The following EXOC5 variants were observed in gnomAD, a reference collection of about 807,000 sequenced individuals.
EXOC5 encodes the protein exocyst complex component 5, also known as SEC10-like 1.
In EXOC5, 17 loss-of-function variants were observed where a neutral mutation model predicts 90.8. That is an observed-to-expected ratio of 0.19 (90% CI 0.13 to 0.28). The LOEUF (loss-of-function observed/expected upper bound fraction) is 0.28, where lower values mean the gene tolerates loss of function less well. Ranked by LOEUF, EXOC5 falls within the 10% of genes least tolerant of loss-of-function variation. The probability of loss-of-function intolerance (pLI) is 1.00; values close to 1 mark genes in which losing one functional copy is unlikely to be tolerated. For missense variants in EXOC5, 569 were observed against 830.6 expected, an observed-to-expected ratio of 0.69 and a Z score of 3.87; for synonymous variants, 260 against 270.0, an observed-to-expected ratio of 0.96 and a Z score of 0.36.
intron 1 of EXOC5, among the ~76,000 whole-genome samples, chr14:57,261,613 G>T (rs1022787316): frequency 6.6e-6 from 1 of 152,184 alleles, no homozygotes; most frequent in Non-Finnish European, 1.5e-5. Context: ...ATAGTTAGTG[G>T]CCTAAAATAA....
chr14:57,268,616 G>GC lies in EXOC5; in HGVS notation c.27+5dup, dbSNP rs1261939216. Reference sequence around the variant, plus strand: ...TGCCACTCCCTGTAGAGCCGCCGGGGCCCACCTCGAAGAGCTCGGCCGTGG... The same window carrying GC: ...TGCCACTCCCTGTAGAGCCGCCGGGGCCCCACCTCGAAGAGCTCGGCCGTGG... On this transcript the variant is annotated splice_donor_region_variant and intron_variant, in intron 1 of 17. Coordinates refer to ENST00000621441, the MANE Select transcript of EXOC5 (RefSeq NM_006544.4). 1.9e-6 allele frequency: 3 copies of GC among 1,589,784 alleles called. No individual in the cohort carries two copies. The highest frequency in any genetic ancestry group is 2.6e-6 in the Non-Finnish European group (3 of 1,173,498).
At chr14:57,264,346 T>C (rs1884606447) in intron 1 of EXOC5, among the ~76,000 whole-genome samples, 1 of 152,234 alleles carries the variant, frequency 6.6e-6, no homozygotes, top group African/African-American at 2.4e-5. Context: ...TCTGTTTAAC[T>C]AGCTTTTGTA....
chr14:57,255,703 G>A (rs1159267941), intron 1 of EXOC5, among the ~76,000 whole-genome samples: 2 of 152,074 alleles, frequency 1.3e-5, no homozygotes, highest in Non-Finnish European at 2.9e-5. Context: ...TTGGTGGTGG[G>A]CACCTGTAGT....
In EXOC5 at chr14:57,245,878, T is replaced by C. The variant is rs1376080019; in HGVS notation, c.270+833A>G. 2.0e-5 allele frequency among the ~76,000 whole-genome samples: 3 copies of C among 151,714 alleles called. No individual in the cohort carries two copies. The South Asian group carries it at 6.3e-4, about 32-fold the overall frequency. On this transcript the variant is annotated intron_variant, in intron 3 of 17. Transcript: ENST00000621441. ...GACAAACCTGGCCAACATAGCAAAA[T>C]CTCTACTAAAAATACAAAAAAATTA...
chr14:57,215,917 T>C (rs1003138027), intron 15 of EXOC5, among the ~76,000 whole-genome samples: 1 of 152,082 alleles, frequency 6.6e-6, no homozygotes, highest in Non-Finnish European at 1.5e-5. Flanking sequence ...TGATCTTAGA[T>C]AGAGAAAACT....
intron 12 of EXOC5, among the ~76,000 whole-genome samples, chr14:57,223,000 G>A (rs951641234): frequency 2.0e-5 from 3 of 151,800 alleles, no homozygotes; most frequent in African/African-American, 7.3e-5. Context: ...TCAAATAATG[G>A]TTTTACCATT....
At chr14:57,230,026 T>C (rs1883433816) in intron 11 of EXOC5, 145 bp from the exon 12 acceptor site, 1 of 427,382 alleles carries the variant, frequency 2.3e-6, no homozygotes, top group Non-Finnish European at 4.1e-6. Flanking sequence ...ACTAGTTTTG[T>C]GAAATAAAGT....
intron 13 of EXOC5, 111 bp downstream of exon 13, chr14:57,222,197 C>T (rs1335532579): frequency 1.1e-5 from 6 of 555,162 alleles, no homozygotes; most frequent in Admixed American, 3.6e-5. Context: ...TTCATTGCAC[C>T]GAACTGAATT....
At position 57,207,804 on chromosome 14, in the gene EXOC5, GAATA is replaced by G. The variant is rs1882703875; in HGVS notation, c.*801_*804del. ...ACTTCCCTTATAATATTAAAATAAT[GAATA>G]AATATGGTCCTTTAGTTAAGGTCCT... On this transcript the variant is annotated 3_prime_UTR_variant, in exon 18 of 18. Transcript: ENST00000621441. 6.6e-6 allele frequency: 1 copy of G among 151,748 alleles called. No individual in the cohort carries two copies. The highest frequency in any genetic ancestry group is 1.5e-5 in the Non-Finnish European group (1 of 67,942). The allele number at this position is 151,748 out of a possible 1,614,324, so 9.4% of individuals were successfully genotyped here. A position where few individuals can be genotyped will look rare whatever the true frequency, so the allele number is the denominator to read the frequency against.
chr14:57,230,940 T>C (rs1047393341), intron 11 of EXOC5, among the ~76,000 whole-genome samples: 2 of 151,994 alleles, frequency 1.3e-5, no homozygotes, highest in African/African-American at 4.8e-5. Flanking sequence ...ACTATGGAAC[T>C]TTTTATATTA....
chr14:57,262,978 T>C (rs752238690), intron 1 of EXOC5, among the ~76,000 whole-genome samples: 3 of 152,084 alleles, frequency 2.0e-5, no homozygotes, highest in Non-Finnish European at 4.4e-5. Flanking sequence ...GATTAATCAG[T>C]CAACAGATAA....
rs1431416275 is a variant in EXOC5, at chr14:57,204,399, C to A, written c.*4210G>T. On this transcript the variant is annotated 3_prime_UTR_variant, in exon 18 of 18. Transcript: ENST00000621441. ...GACAGCTTTTAAAACCCTTAACATGCAATTCTGATTACATGAAAATGACTA... is the reference window on the plus strand; with the variant it reads ...GACAGCTTTTAAAACCCTTAACATGAAATTCTGATTACATGAAAATGACTA... 1 of 152,004 alleles carries A rather than the reference C, an allele frequency of 6.6e-6. No individual in the cohort carries two copies. Among genetic ancestry groups the A allele is most frequent in the Admixed American group, 6.6e-5 (1 of 15,246 alleles). The allele number at this position is 152,004 out of a possible 1,614,324, so 9.4% of individuals were successfully genotyped here.
chr14:57,262,733 GTA>G (rs1566508307), intron 1 of EXOC5, among the ~76,000 whole-genome samples: 1 of 144,856 alleles, frequency 6.9e-6, no homozygotes, highest in Non-Finnish European at 1.5e-5. Context: ...GTATATATAC[GTA>G]TATATGTGTG....
At chr14:57,237,974 T>C (rs1298043011) in intron 5 of EXOC5, among the ~76,000 whole-genome samples, 1 of 151,946 alleles carries the variant, frequency 6.6e-6, no homozygotes, top group Non-Finnish European at 1.5e-5. Flanking sequence ...TTTTCAAATC[T>C]CAAATATCTA....
At position 57,232,662 on chromosome 14, in the gene EXOC5, T is replaced by G. The variant is rs774251588; in HGVS notation, c.938+5A>C. 1.6e-6 allele frequency: 2 copies of G among 1,264,766 alleles called. No homozygotes were observed. Among genetic ancestry groups the G allele is most frequent in the African/African-American group, 3.1e-5 (2 of 65,410 alleles). The allele number at this position is 1,264,766 out of a possible 1,614,324, so 78.3% of individuals were successfully genotyped here. On this transcript the variant is annotated splice_donor_5th_base_variant and intron_variant, in intron 10 of 17. Transcript: ENST00000621441. ...TCTATTATTTTCTAATCATTAAAAA[T>G]TTACCTTGTATACAGATCATAGAGA...
chr14:57,215,558 T>TA (rs1882948559), intron 15 of EXOC5, among the ~76,000 whole-genome samples: 1 of 150,360 alleles, frequency 6.7e-6, no homozygotes, highest in Admixed American at 6.6e-5. Flanking sequence ...GAATGAAGGA[T>TA]AAAAATCACA....
chr14:57,223,871 G>A (rs544621341), intron 12 of EXOC5, among the ~76,000 whole-genome samples: 89 of 152,072 alleles, frequency 5.9e-4, no homozygotes, highest in African/African-American at 2.0e-3. Context: ...TAAATTCTCT[G>A]ACCACAACGG....
intron 1 of EXOC5, among the ~76,000 whole-genome samples, chr14:57,265,687 T>G (rs758992218): frequency 1.2e-4 from 19 of 152,212 alleles, no homozygotes; most frequent in Non-Finnish European, 2.6e-4. Context: ...ATTACCCAAC[T>G]GCACTCCAGC....
Position 57,209,315 on chromosome 14 carries a change from C to T in EXOC5, c.1938+252G>A, listed in dbSNP as rs1882755918. Among the ~76,000 whole-genome samples the T allele has an allele frequency of 9.3e-5, 14 of 151,226 alleles. No homozygotes were observed. The South Asian group carries it at 2.9e-3, about 32-fold the overall frequency. Reference sequence around the variant, plus strand: ...GCTGAGGCAGCAGATCACTTGAGCCCAGGAGTAAGAGACCAGCCTGGGCAA... The same window carrying T: ...GCTGAGGCAGCAGATCACTTGAGCCTAGGAGTAAGAGACCAGCCTGGGCAA... On this transcript the variant is annotated intron_variant, in intron 17 of 17. Transcript: ENST00000621441.
Sources: gnomAD v4.1 joint callset for allele counts (sites outside exome capture counted in the v4.1 genomes callset) on GRCh38, gnomAD v4.1.1 for gene constraint, MANE v1.5 for transcripts, NCBI Gene and HGNC (gene_info 2026-07-23, HGNC 2026-07-21) for gene names.